CSMD1: variants seen among roughly 807,000 people sequenced by gnomAD.
CSMD1 encodes CUB and Sushi multiple domains 1.
CSMD1 carries 213 observed loss-of-function variants against 417.5 expected under a neutral mutation model. The ratio of observed to expected loss-of-function variants is 0.51; its 90% CI spans 0.46 to 0.57. CSMD1 has a LOEUF of 0.57. CSMD1 is among the 20% of genes least tolerant of loss of function. CSMD1 has a pLI of 0.00. For missense variants in CSMD1, 6,923 were observed against 4,529.7 expected, an observed-to-expected ratio of 1.53 and a Z score of -15.17; for synonymous variants, 2,862 against 1,736.8, an observed-to-expected ratio of 1.65 and a Z score of -16.11.
At chr8:3,928,614 AAGG>A (rs1374943333) in intron 5 of CSMD1, among the ~76,000 whole-genome samples, 4 of 149,812 alleles carry the variant, frequency 2.7e-5, no homozygotes, top group Non-Finnish European at 6.0e-5. Flanking sequence ...ATGTCATAAG[AAGG>A]AGAAGGAAGT....
At chr8:3,228,747 T>TTCC (rs1292334928) in intron 27 of CSMD1, among the ~76,000 whole-genome samples, 1 of 151,984 alleles carries the variant, frequency 6.6e-6, no homozygotes, top group Non-Finnish European at 1.5e-5. Context: ...TTTTAATGTA[T>TTCC]TCCTCCACGA....
At chr8:4,852,407 T>C (rs1229069994) in intron 1 of CSMD1, among the ~76,000 whole-genome samples, 1 of 152,136 alleles carries the variant, frequency 6.6e-6, no homozygotes, top group Non-Finnish European at 1.5e-5. Context: ...GTTCTCACTC[T>C]TGCTATGTGA....
rs574359995 is a variant in CSMD1 at position 3,132,173 on chromosome 8, C to G, written c.6241+10292G>C. Among the ~76,000 whole-genome samples the G allele has an allele frequency of 6.6e-5, 10 of 152,282 alleles. No individual in the cohort carries two copies. The South Asian group carries it at 2.1e-3, about 32-fold the overall frequency. Reference sequence around the variant, plus strand: ...CACCCAGTGGGTTTTACCCTCAGACCTCAGCAGATATCTCAGTCACAGAGA... The same window carrying G: ...CACCCAGTGGGTTTTACCCTCAGACGTCAGCAGATATCTCAGTCACAGAGA... On this transcript the variant is annotated intron_variant, in intron 41 of 69. Coordinates refer to ENST00000635120, the MANE Select transcript of CSMD1 (RefSeq NM_033225.6).
At chr8:3,760,516 G>T (rs150281573) in intron 5 of CSMD1, among the ~76,000 whole-genome samples, 1 of 152,082 alleles carries the variant, frequency 6.6e-6, no homozygotes, top group African/African-American at 2.4e-5. Context: ...ATTCTTTCAT[G>T]TAACCTCCCT....
At chr8:3,652,379 T>C (rs1797900977) in intron 7 of CSMD1, among the ~76,000 whole-genome samples, 1 of 152,234 alleles carries the variant, frequency 6.6e-6, no homozygotes, top group African/African-American at 2.4e-5. Context: ...ATCAGAGCGC[T>C]TAGCACCATC....
At chr8:4,067,821 G>C (rs371461649) in intron 3 of CSMD1, among the ~76,000 whole-genome samples, 4 of 152,054 alleles carry the variant, frequency 2.6e-5, no homozygotes, top group South Asian at 2.1e-4. Context: ...GCTCATGTCT[G>C]TGATCCCAAC....
intron 29 of CSMD1, among the ~76,000 whole-genome samples, chr8:3,217,063 G>T (rs1350394284): frequency 6.6e-6 from 1 of 152,152 alleles, no homozygotes; most frequent in Non-Finnish European, 1.5e-5. Flanking sequence ...TGCATGCAAT[G>T]ACATCACTGC....
Position 4,272,587 on chromosome 8 carries a change from T to C in CSMD1, c.415+147366A>G, listed in dbSNP as rs11993729. Among the ~76,000 whole-genome samples, 882 of 152,310 alleles carry C rather than the reference T, an allele frequency of 5.8e-3. 8 individuals are homozygous for C. Among genetic ancestry groups the C allele is most frequent in the African/African-American group, 0.02 (812 of 41,574 alleles). ...GTTATTTACTTGCAGTATACCTTTTTTGAAGGCAGGGCTTTTATGTGCCTG... is the reference window on the plus strand; with the variant it reads ...GTTATTTACTTGCAGTATACCTTTTCTGAAGGCAGGGCTTTTATGTGCCTG... On this transcript the variant is annotated intron_variant, in intron 3 of 69. Transcript: ENST00000635120.
chr8:3,285,103 C>G (rs1415045002), intron 25 of CSMD1, among the ~76,000 whole-genome samples: 8 of 152,206 alleles, frequency 5.3e-5, no homozygotes, highest in African/African-American at 1.9e-4. Flanking sequence ...AAATTAGCAG[C>G]CCTGAATGGG....
At chr8:3,840,557 A>G (rs1452934525) in intron 5 of CSMD1, among the ~76,000 whole-genome samples, 5 of 152,146 alleles carry the variant, frequency 3.3e-5, no homozygotes, top group African/African-American at 1.2e-4. Flanking sequence ...ATCAAAATGC[A>G]AGCATGCCTC....
chr8:3,143,149 T>G (rs554894529), intron 40 of CSMD1, among the ~76,000 whole-genome samples: 1 of 151,686 alleles, frequency 6.6e-6, no homozygotes, highest in Non-Finnish European at 1.5e-5. Flanking sequence ...TGCCACAGAG[T>G]TTTTTTTGTT....
chr8:3,868,518 C>A (rs147310671), intron 5 of CSMD1, among the ~76,000 whole-genome samples: 1 of 152,188 alleles, frequency 6.6e-6, no homozygotes, highest in East Asian at 1.9e-4. Flanking sequence ...ACCAACACCA[C>A]CAATTCCCAA....
intron 1 of CSMD1, among the ~76,000 whole-genome samples, chr8:4,868,380 G>A (rs986657058): frequency 1.3e-5 from 2 of 151,940 alleles, no homozygotes; most frequent in African/African-American, 4.8e-5. Flanking sequence ...GATGACAGGT[G>A]CACACCACTA....
At chr8:4,111,523 C>T (rs7000682) in intron 3 of CSMD1, among the ~76,000 whole-genome samples, 110,702 of 152,126 alleles carry the variant, frequency 0.73, 40,709 homozygotes, top group East Asian at 0.88. Context: ...TCCACCCAAA[C>T]GCCCATCACT....
At chr8:3,059,932 A>C (rs1188921333) in intron 49 of CSMD1, among the ~76,000 whole-genome samples, 1 of 152,102 alleles carries the variant, frequency 6.6e-6, no homozygotes, top group Admixed American at 6.6e-5. Context: ...TTATCTTAGC[A>C]GTGGGATCGT....
intron 2 of CSMD1, among the ~76,000 whole-genome samples, chr8:4,592,390 C>T (rs2724981): frequency 0.53 from 80,936 of 151,608 alleles, 22,889 homozygotes; most frequent in African/African-American, 0.74. Context: ...TCCTTGTTAT[C>T]GCTTTGTTGT....
intron 2 of CSMD1, among the ~76,000 whole-genome samples, chr8:4,463,318 C>T (rs994690174): frequency 6.6e-6 from 1 of 152,134 alleles, no homozygotes; most frequent in African/African-American, 2.4e-5. Flanking sequence ...GGGTGTTTCA[C>T]TTCCCTATGG....
intron 5 of CSMD1, among the ~76,000 whole-genome samples, chr8:3,838,530 A>C (rs987919282): frequency 7.5e-6 from 1 of 133,886 alleles, no homozygotes; most frequent in Non-Finnish European, 1.6e-5. Flanking sequence ...TAGCCTATAT[A>C]TATAGTCTAT....
At chr8:4,475,799 G>A (rs1800771399) in intron 2 of CSMD1, among the ~76,000 whole-genome samples, 1 of 152,010 alleles carries the variant, frequency 6.6e-6, no homozygotes, top group Non-Finnish European at 1.5e-5. Context: ...TTTTAGTACA[G>A]ATGGGATTTC....
Sources: gnomAD v4.1 joint callset for allele counts (sites outside exome capture counted in the v4.1 genomes callset) on GRCh38, gnomAD v4.1.1 for gene constraint, MANE v1.5 for transcripts, NCBI Gene and HGNC (gene_info 2026-07-23, HGNC 2026-07-21) for gene names.